Variants in IL23R observed in about 807,000 individuals in gnomAD.
IL23R encodes interleukin 23 receptor.
A neutral mutation model predicts 56.9 loss-of-function variants in IL23R; 34 were observed. That is an observed-to-expected ratio of 0.60 (90% CI 0.45 to 0.80). IL23R has a LOEUF of 0.80. Ranked by LOEUF, IL23R falls within the 30% of genes least tolerant of loss-of-function variation. The probability of loss-of-function intolerance (pLI) is 0.00; values close to 1 mark genes in which losing one functional copy is unlikely to be tolerated. For synonymous variants in IL23R, 230 were observed against 249.2 expected, an observed-to-expected ratio of 0.92 and a Z score of 0.73; for missense variants, 635 against 730.0, an observed-to-expected ratio of 0.87 and a Z score of 1.50.
chr1:67,144,379 A>T (rs1646662613), intron 1 of IL23R, among the ~76,000 whole-genome samples: 1 of 152,252 alleles, frequency 6.6e-6, no homozygotes, highest in Non-Finnish European at 1.5e-5. Context: ...TTTAAAAAAC[A>T]AATTTTGTAA....
At chr1:67,146,410 T>C (rs1219297178) in intron 1 of IL23R, among the ~76,000 whole-genome samples, 1 of 152,200 alleles carries the variant, frequency 6.6e-6, no homozygotes, top group Non-Finnish European at 1.5e-5. Flanking sequence ...TGCTGATCTG[T>C]TGCCCTTTAG....
chr1:67,238,959 G>C (rs1651678763), intron 8 of IL23R, among the ~76,000 whole-genome samples: 1 of 152,166 alleles, frequency 6.6e-6, no homozygotes, highest in African/African-American at 2.4e-5. Flanking sequence ...GAAATAACTA[G>C]GGTGGGGCAA....
upstream of IL23R, among the ~76,000 whole-genome samples, chr1:67,164,221 C>G (rs747926528): frequency 2.1e-4 from 32 of 152,270 alleles, no homozygotes; most frequent in South Asian, 1.2e-3. Flanking sequence ...TTGGGCAGAG[C>G]ACGGTGACTC....
Position 67,259,306 on chromosome 1 carries a change from C to A in IL23R, c.*178C>A, listed in dbSNP as rs558091710. The A allele has an allele frequency of 2.0e-4, 130 of 643,594 alleles. No individual in the cohort carries two copies. In the African/African-American group the frequency reaches 2.2e-3, roughly 11 times the overall value. 39.9% of individuals were successfully genotyped at this position (643,594 alleles called of 1,614,324 possible). A position where few individuals can be genotyped will look rare whatever the true frequency, so the allele number is the denominator to read the frequency against. On this transcript the variant is annotated 3_prime_UTR_variant, in exon 11 of 11. Transcript: ENST00000347310. ...ATACCTAGGTAGGGGATTGCTGGGCCATATGATAAGCATATGTTTCAGTTC... is the reference window on the plus strand; with the variant it reads ...ATACCTAGGTAGGGGATTGCTGGGCAATATGATAAGCATATGTTTCAGTTC...
intron 9 of IL23R, among the ~76,000 whole-genome samples, chr1:67,244,230 G>T (rs1474459467): frequency 2.0e-5 from 3 of 152,106 alleles, no homozygotes; most frequent in Admixed American, 6.6e-5. Context: ...CAGATGGGTA[G>T]ATTGCAAAAA....
chr1:67,199,704 C>T lies in IL23R; in HGVS notation c.492-1033C>T, dbSNP rs367820270. ...ATTTTATATATTTATATAATATATA[C>T]GCTCATTGTTTTTTTAATGGAGGAA... On this transcript the variant is annotated intron_variant, in intron 4 of 10. Transcript: ENST00000347310. Among the ~76,000 whole-genome samples the T allele has an allele frequency of 1.5e-4, 22 of 150,340 alleles. 1 individual carries two copies. The highest frequency in any genetic ancestry group is 9.8e-4 in the East Asian group (5 of 5,118).
At chr1:67,237,069 G>A (rs1162210250) in intron 8 of IL23R, among the ~76,000 whole-genome samples, 7 of 151,804 alleles carry the variant, frequency 4.6e-5, no homozygotes, top group Admixed American at 3.9e-4. Flanking sequence ...TTGAGACGAA[G>A]CCTTGTTCTG....
At chr1:67,146,789 A>G (rs1027153809) in intron 1 of IL23R, among the ~76,000 whole-genome samples, 4 of 152,232 alleles carry the variant, frequency 2.6e-5, no homozygotes, top group African/African-American at 7.2e-5. Flanking sequence ...ATCTAAGACT[A>G]GAGACATTTA....
intron 6 of IL23R, among the ~76,000 whole-genome samples, chr1:67,218,356 GTGTA>G (rs1226225245): frequency 8.3e-4 from 114 of 137,394 alleles, no homozygotes; most frequent in South Asian, 7.3e-4. Context: ...GTGTGTGTGT[GTGTA>G]TATATATATA....
chr1:67,218,518 T>TTA (rs1408205532), intron 6 of IL23R, among the ~76,000 whole-genome samples: 2 of 152,002 alleles, frequency 1.3e-5, no homozygotes, highest in African/African-American at 4.8e-5. Flanking sequence ...GATCTAAATA[T>TTA]CCAGCTGCAG....
chr1:67,199,853 G>T (rs140390822), intron 4 of IL23R, among the ~76,000 whole-genome samples: 1,519 of 151,830 alleles, frequency 0.01, 37 homozygotes, highest in African/African-American at 0.034. Context: ...TCAGTAAAAG[G>T]TTGCATATTT....
In IL23R at chr1:67,257,379, C is replaced by G. The variant is rs150938276; in HGVS notation, c.1240-1099C>G. Among the ~76,000 whole-genome samples the G allele has an allele frequency of 4.7e-4, 71 of 152,252 alleles. 1 individual carries two copies. Among genetic ancestry groups the G allele is most frequent in the African/African-American group, 1.7e-3 (69 of 41,558 alleles). The stretch of plus-strand genomic sequence containing the variant: ...CTCACATGGCAGAGGAAGAGATCAT[C>G]TCTTTCCTGTCTCTTCTTCACTAAT... On this transcript the variant is annotated intron_variant, in intron 10 of 10. Coordinates refer to ENST00000347310, the MANE Select transcript of IL23R (RefSeq NM_144701.3).
intron 1 of IL23R, among the ~76,000 whole-genome samples, chr1:67,155,034 C>T (rs1198163625): frequency 6.6e-6 from 1 of 152,084 alleles, no homozygotes; most frequent in Admixed American, 6.6e-5. Context: ...GATTTTATTT[C>T]CCCTTTACTT....
intron 1 of IL23R, among the ~76,000 whole-genome samples, chr1:67,140,096 A>G (rs1250333134): frequency 1.3e-5 from 2 of 152,190 alleles, no homozygotes; most frequent in East Asian, 1.9e-4. Context: ...TGCACTTCTC[A>G]GTCTCCATAA....
chr1:67,255,258 G>A (rs1652878005), intron 9 of IL23R, among the ~76,000 whole-genome samples: 1 of 152,014 alleles, frequency 6.6e-6, no homozygotes, highest in Admixed American at 6.6e-5. Flanking sequence ...TCACTGCTAG[G>A]GTGGTTCTCC....
intron 1 of IL23R, among the ~76,000 whole-genome samples, chr1:67,142,643 G>A (rs1646648369): frequency 2.6e-5 from 4 of 152,140 alleles, no homozygotes; most frequent in Admixed American, 2.6e-4. Context: ...TCGGCTCACT[G>A]CAACCTTCAC....
intron 10 of IL23R, among the ~76,000 whole-genome samples, chr1:67,256,545 G>A (rs943538242): frequency 1.3e-5 from 2 of 152,134 alleles, no homozygotes; most frequent in Admixed American, 6.5e-5. Flanking sequence ...CCTGGCCCTC[G>A]GGATTGGCTG....
At position 67,206,911 on chromosome 1, in the gene IL23R, G is replaced by GTAT; in HGVS notation, c.654_655insTAT (p.Val218_Ile219insTyr). ...TTTTTTTTTTTTTTTTTTTTCTAGT[G>GTAT]ATACCTTCTGCAGCCGTCATTTCCA... On this transcript the variant is annotated inframe_insertion and splice_region_variant, in exon 6 of 11. Coordinates refer to ENST00000347310, the MANE Select transcript of IL23R (RefSeq NM_144701.3). 1 of 627,462 alleles carries GTAT rather than the reference G, an allele frequency of 1.6e-6. No individual in the cohort carries two copies. 38.9% of individuals were successfully genotyped at this position (627,462 alleles called of 1,614,324 possible). A position where few individuals can be genotyped will look rare whatever the true frequency, so the allele number is the denominator to read the frequency against.
chr1:67,164,128 C>T (rs898946522), upstream of IL23R, among the ~76,000 whole-genome samples: 1 of 152,052 alleles, frequency 6.6e-6, no homozygotes, highest in Non-Finnish European at 1.5e-5. Flanking sequence ...AGGTTAATAT[C>T]CAAAATACAT....
Sources: gnomAD v4.1 joint callset for allele counts (sites outside exome capture counted in the v4.1 genomes callset) on GRCh38, gnomAD v4.1.1 for gene constraint, MANE v1.5 for transcripts, NCBI Gene and HGNC (gene_info 2026-07-23, HGNC 2026-07-21) for gene names.